Variants in DOCK10 observed in about 807,000 individuals in gnomAD.
The protein encoded by DOCK10 is dedicator of cytokinesis 10, also known as dedicator of cytokinesis protein 10.
A neutral mutation model predicts 280.1 loss-of-function variants in DOCK10; 145 were observed. That is an observed-to-expected ratio of 0.52 (90% CI 0.45 to 0.59). The LOEUF (loss-of-function observed/expected upper bound fraction) is 0.59. Among genes scored for constraint, DOCK10 ranks in the 20% least tolerant of loss-of-function variants. DOCK10 has a pLI of 0.00. For missense variants in DOCK10, 2,368 were observed against 2,651.7 expected, an observed-to-expected ratio of 0.89 and a Z score of 2.35; for synonymous variants, 915 against 942.2, an observed-to-expected ratio of 0.97 and a Z score of 0.53.
In DOCK10 at chr2:224,823,549, T is replaced by C. The variant is rs777151520; in HGVS notation, c.3135A>G (p.Ala1045=). 6.2e-7 allele frequency: 1 copy of C among 1,609,758 alleles called. No individual in the cohort carries two copies. Among genetic ancestry groups the C allele is most frequent in the South Asian group, 1.1e-5 (1 of 89,758 alleles). ...GGTTTGCCCTTCTTGTTTCTTCAAGTGCATCCTTGTATTTCCAAATCACAT... is the reference window on the plus strand; with the variant it reads ...GGTTTGCCCTTCTTGTTTCTTCAAGCGCATCCTTGTATTTCCAAATCACAT... The part of the protein sequence containing the change: ...SDHVIWKYKD[A]LEETRRANHS... The change falls in exon 28 of 56, where the codon GCA becomes GCG. Residue 1045 remains alanine, a synonymous_variant. Coordinates refer to ENST00000258390, the MANE Select transcript of DOCK10 (RefSeq NM_014689.3).
At chr2:224,933,986 C>T (rs576414496) in intron 1 of DOCK10, among the ~76,000 whole-genome samples, 1 of 152,122 alleles carries the variant, frequency 6.6e-6, no homozygotes, top group South Asian at 2.1e-4. Context: ...AAAATCAATC[C>T]CACCTAAATT....
At chr2:224,943,212 C>T (rs2126085116) in intron 1 of DOCK10, among the ~76,000 whole-genome samples, 1 of 152,250 alleles carries the variant, frequency 6.6e-6, no homozygotes, top group South Asian at 2.1e-4. Flanking sequence ...CATAACACAA[C>T]TTCAGTCTCT....
rs373685290 is a variant in DOCK10, at chr2:224,932,426, T to C, written c.124-758A>G. ...TTTCATTATAGGGTTGATGTGTTTG[T>C]TCCAATTGTACAGAACTCATAAGGT... On this transcript the variant is annotated intron_variant, in intron 1 of 55. Coordinates refer to ENST00000258390, the MANE Select transcript of DOCK10 (RefSeq NM_014689.3). 3.3e-3 allele frequency among the ~76,000 whole-genome samples: 504 copies of C among 152,258 alleles called. 5 individuals carry two copies. The highest frequency in any genetic ancestry group is 5.3e-3 in the Non-Finnish European group (360 of 68,010).
At chr2:224,981,249 T>G (rs1276489331) in intron 1 of DOCK10, among the ~76,000 whole-genome samples, 1 of 152,210 alleles carries the variant, frequency 6.6e-6, no homozygotes, top group Non-Finnish European at 1.5e-5. Flanking sequence ...AATAAAATAT[T>G]GATTTGTTGA....
chr2:224,825,726 C>T (rs1026948887), intron 27 of DOCK10, among the ~76,000 whole-genome samples: 4 of 152,196 alleles, frequency 2.6e-5, no homozygotes, highest in Admixed American at 2.0e-4. Flanking sequence ...TATATGAGTA[C>T]TTTTAAAACT....
intron 1 of DOCK10, among the ~76,000 whole-genome samples, chr2:224,941,911 TG>T (rs1210494982): frequency 1.3e-5 from 2 of 151,532 alleles, no homozygotes; most frequent in African/African-American, 4.9e-5. Context: ...AACCATATAA[TG>T]AATGTTATTA....
chr2:224,908,994 A>G (rs55840796), intron 3 of DOCK10, among the ~76,000 whole-genome samples: 49,915 of 152,018 alleles, frequency 0.33, 8,340 homozygotes, highest in Middle Eastern at 0.37. Flanking sequence ...TCTCTCAGCC[A>G]TTCAGCTGAA....
At chr2:224,781,191 A>G (rs923642613) in intron 50 of DOCK10, among the ~76,000 whole-genome samples, 2 of 152,218 alleles carry the variant, frequency 1.3e-5, no homozygotes, top group Admixed American at 6.5e-5. Flanking sequence ...TCGAAAATAC[A>G]TACTTTCAGC....
chr2:224,770,215 T>C lies in DOCK10; in HGVS notation c.6440A>G (p.Glu2147Gly). Residue 2147 changes from glutamate to glycine, a missense_variant, in exon 55 of 56, where the codon GAG becomes GGG. By Grantham distance (98) the Glu-to-Gly change is moderately conservative (BLOSUM62 -2). Around this residue, in one of 2 missense-constraint regions of DOCK10, gnomAD observed 1,159 missense variants for 1,400.8 expected, o/e 0.83. Coordinates refer to ENST00000258390, the MANE Select transcript of DOCK10 (RefSeq NM_014689.3). The surrounding 1 kb of genome is among the most constrained non-coding windows in gnomAD (Gnocchi z 4.5). Reference sequence around the variant, plus strand: ...TGTGCACCAAGGAGCGCTCACCTGCTCATTCATGACTGTGGAGAGTTCGCT... The same window carrying C: ...TGTGCACCAAGGAGCGCTCACCTGCCCATTCATGACTGTGGAGAGTTCGCT... ...MLSELSTVMN[E>G]QITGRDDLSK... 3.8e-6 allele frequency: 6 copies of C among 1,570,956 alleles called. No individual in the cohort carries two copies. Among genetic ancestry groups the C allele is most frequent in the Non-Finnish European group, 5.2e-6 (6 of 1,159,828 alleles).
At chr2:224,840,153 A>T (rs1371443393) in intron 23 of DOCK10, 81 bp from the exon 24 acceptor site, 1 of 644,708 alleles carries the variant, frequency 1.6e-6, no homozygotes, top group Non-Finnish European at 2.6e-6. Flanking sequence ...CTATAAATCT[A>T]TGAGAAGAAA....
In DOCK10 at chr2:224,775,068, G is replaced by A. The variant is rs16866167; in HGVS notation, c.5850C>T (p.Thr1950=). The change falls in exon 52 of 56, where the codon ACC becomes ACT. Residue 1950 remains threonine (T), a synonymous_variant. Transcript: ENST00000258390. ...TTTCCTCAAAGAACGGCGTCACATAGGTCACCTGGATGTAGGCATATTTGG... is the reference window on the plus strand; with the variant it reads ...TTTCCTCAAAGAACGGCGTCACATAAGTCACCTGGATGTAGGCATATTTGG... ...LDPKYAYIQV[T]YVTPFFEEKE... 3.6e-3 allele frequency: 5,762 copies of A among 1,614,024 alleles called. 192 individuals carry two copies. In the African/African-American group the frequency reaches 0.068, roughly 19 times the overall value.
In DOCK10 at chr2:224,783,695, C is replaced by T. The variant is rs150367832; in HGVS notation, c.5655+3327G>A. On this transcript the variant is annotated intron_variant, in intron 50 of 55. Coordinates refer to ENST00000258390, the MANE Select transcript of DOCK10 (RefSeq NM_014689.3). Reference sequence around the variant, plus strand: ...AATAAAGTTAGGTCATTTGCAAGGGCTCCCCCCAATACTTCCCCACTGCCC... The same window carrying T: ...AATAAAGTTAGGTCATTTGCAAGGGTTCCCCCCAATACTTCCCCACTGCCC... Among the ~76,000 whole-genome samples the T allele has an allele frequency of 5.5e-4, 83 of 151,524 alleles. 1 individual carries two copies. The East Asian group carries it at 6.9e-3, about 13-fold the overall frequency.
At chr2:225,024,371 G>A (rs1689861530) in intron 1 of DOCK10, among the ~76,000 whole-genome samples, 1 of 152,094 alleles carries the variant, frequency 6.6e-6, no homozygotes, top group Non-Finnish European at 1.5e-5. Context: ...AAGTAAAGGG[G>A]CATCATGTCT....
intron 30 of DOCK10, among the ~76,000 whole-genome samples, chr2:224,815,355 T>C (rs1225978628): frequency 6.6e-6 from 1 of 151,954 alleles, no homozygotes; most frequent in Non-Finnish European, 1.5e-5. Context: ...TTTATAGCAG[T>C]GTGACAATGG....
chr2:224,804,005 T>TGC (rs1693200032), intron 39 of DOCK10, 107 bp downstream of exon 39: 1 of 500,494 alleles, frequency 2.0e-6, no homozygotes, highest in Non-Finnish European at 3.5e-6. Context: ...GAAATATGTG[T>TGC]GTGTGTGTGT....
rs555682307 is a variant in DOCK10, at chr2:224,830,551, T to C, written c.3026A>G (p.Asn1009Ser). 7 of 1,497,010 alleles carry C rather than the reference T, an allele frequency of 4.7e-6. No homozygotes were observed. The South Asian group carries it at 1.0e-4, about 22-fold the overall frequency. 92.7% of individuals were successfully genotyped at this position (1,497,010 alleles called of 1,614,324 possible). ...KSMAQHLIDT[N>S]KIQLPRPQRF... ...TACTTATGTTCTTACCTGGATTTTATTTGTGTCAATCAAGTGCTGTGCCAT... is the reference window on the plus strand; with the variant it reads ...TACTTATGTTCTTACCTGGATTTTACTTGTGTCAATCAAGTGCTGTGCCAT... The change falls in exon 27 of 56, where the codon AAT becomes AGT. Residue 1009 changes from asparagine (N) to serine (S), a missense_variant. Around this residue, in one of 2 missense-constraint regions of DOCK10, gnomAD observed 1,209 missense variants for 1,250.9 expected, o/e 0.97. Transcript: ENST00000258390.
At chr2:224,802,160 C>T in intron 39 of DOCK10, 120 bp from the exon 40 acceptor site, 2 of 975,756 alleles carry the variant, frequency 2.0e-6, no homozygotes, top group Admixed American at 6.1e-5. Context: ...TGGAAAGCAA[C>T]TTTTTATTAC....
At chr2:224,988,133 C>T (rs966491650) in intron 1 of DOCK10, among the ~76,000 whole-genome samples, 3 of 152,136 alleles carry the variant, frequency 2.0e-5, no homozygotes, top group African/African-American at 7.2e-5. Flanking sequence ...TCTCAGCTTC[C>T]AGGATCAGCT....
rs1029430495 is a variant in DOCK10 at position 224,881,258 on chromosome 2, G to T, written c.747+4413C>A. ...TCTTTGCATGTACCATATTTGTTTT[G>T]TTTTTTTTTCTGTGCATCCTTCCCA... On this transcript the variant is annotated intron_variant, in intron 7 of 55. Coordinates refer to ENST00000258390, the MANE Select transcript of DOCK10 (RefSeq NM_014689.3). 6.7e-5 allele frequency among the ~76,000 whole-genome samples: 10 copies of T among 150,296 alleles called. No individual in the cohort carries two copies. The East Asian group carries it at 1.4e-3, about 20-fold the overall frequency.
Sources: allele counts gnomAD v4.1 joint callset (sites outside exome capture counted in the v4.1 genomes callset), GRCh38; gene constraint gnomAD v4.1.1; regional missense constraint gnomAD v4.1.1; non-coding constraint Gnocchi (gnomAD v3.1); transcripts MANE v1.5; gene names NCBI Gene and HGNC (gene_info 2026-07-23, HGNC 2026-07-21).